The following CHST9 variants were observed in gnomAD, a reference collection of about 807,000 sequenced individuals.
CHST9 encodes the protein GalNAc-4-sulfotransferase 2.
In CHST9, 41 loss-of-function variants were observed where a neutral mutation model predicts 44.4. The ratio of observed to expected loss-of-function variants is 0.92; its 90% CI spans 0.72 to 1.20. The LOEUF (loss-of-function observed/expected upper bound fraction) is 1.20. Ranked by LOEUF, CHST9 falls within the 50% of genes most tolerant of loss-of-function variation. The pLI is 0.00. For missense variants in CHST9, 504 were observed against 516.5 expected (o/e 0.98, Z 0.23); for synonymous variants, 171 against 178.4 (o/e 0.96, Z 0.33).
At chr18:27,120,170 T>C (rs1412293002) in intron 2 of CHST9, among the ~76,000 whole-genome samples, 1 of 152,210 alleles carries the variant, frequency 6.6e-6, no homozygotes, top group Admixed American at 6.5e-5. Context: ...CATTTTTCAA[T>C]ATTGCTGGCA....
At chr18:26,970,628 A>G (rs2056529371) in intron 4 of CHST9, among the ~76,000 whole-genome samples, 1 of 152,154 alleles carries the variant, frequency 6.6e-6, no homozygotes, top group South Asian at 2.1e-4. Context: ...GGGTTTCACC[A>G]TGTTGCCCAG....
In CHST9 at chr18:26,915,079, C is replaced by A. The variant is rs2055494606; in HGVS notation, c.*1180G>T. 1 of 396,632 alleles carries A rather than the reference C, an allele frequency of 2.5e-6. No individual in the cohort carries two copies. Among genetic ancestry groups the A allele is most frequent in the Non-Finnish European group, 4.4e-6 (1 of 224,874 alleles). The allele number at this position is 396,632 out of a possible 1,614,324, so 24.6% of individuals were successfully genotyped here. ...ACACATGGACCTATTTTTCTAAGGA[C>A]TTTGATTTAATATTTGAATGCAATG... is the stretch of plus-strand genomic sequence containing the variant. On this transcript the variant is annotated 3_prime_UTR_variant, in exon 6 of 6. Coordinates refer to ENST00000618847, the MANE Select transcript of CHST9 (RefSeq NM_031422.6).
At chr18:27,082,243 T>C (rs148744226) in intron 2 of CHST9, among the ~76,000 whole-genome samples, 160 of 152,318 alleles carry the variant, frequency 1.1e-3, no homozygotes, top group Admixed American at 4.4e-3. Context: ...ATTTGAGAAA[T>C]TCATCACAAT....
intron 2 of CHST9, among the ~76,000 whole-genome samples, chr18:27,085,498 T>C (rs961489611): frequency 6.6e-6 from 1 of 151,884 alleles, no homozygotes; most frequent in Non-Finnish European, 1.5e-5. Context: ...GACACACAAG[T>C]GGTCAATAAA....
In CHST9 at chr18:26,914,543, G is replaced by T. The variant is rs977545038; in HGVS notation, c.*1716C>A. On this transcript the variant is annotated 3_prime_UTR_variant, in exon 6 of 6. Transcript: ENST00000618847. ...TAAAAACTGAGAGCACAGCTTAAGT[G>T]TATGGTCTAGAGGCAAGAGTTAATG... 1 of 169,222 alleles carries T rather than the reference G, an allele frequency of 5.9e-6. No individual in the cohort carries two copies. Among genetic ancestry groups the T allele is most frequent in the Admixed American group, 6.3e-5 (1 of 15,764 alleles). 10.5% of individuals were successfully genotyped at this position (169,222 alleles called of 1,614,324 possible).
chr18:27,057,193 C>T (rs2143598435), intron 2 of CHST9, among the ~76,000 whole-genome samples: 1 of 152,262 alleles, frequency 6.6e-6, no homozygotes, highest in Non-Finnish European at 1.5e-5. Flanking sequence ...ATTCAATGGT[C>T]TATTCATTTA....
chr18:27,128,651 A>G (rs1337854054), intron 2 of CHST9, among the ~76,000 whole-genome samples: 1 of 152,246 alleles, frequency 6.6e-6, no homozygotes, highest in Non-Finnish European at 1.5e-5. Context: ...TGGCCAGTCC[A>G]TATATCTACT....
At chr18:27,047,552 C>T (rs2057518313) in intron 3 of CHST9, among the ~76,000 whole-genome samples, 1 of 152,012 alleles carries the variant, frequency 6.6e-6, no homozygotes, top group South Asian at 2.1e-4. Context: ...GAGACAGAAG[C>T]TTATGCTGTT....
In CHST9 at chr18:27,137,630, A is replaced by C. The variant is rs77526208; in HGVS notation, c.121+5059T>G. On this transcript the variant is annotated intron_variant, in intron 2 of 5. Transcript: ENST00000618847. Reference sequence around the variant, plus strand: ...GGAGAAGGTTTTGTTAAAGGAAATGAAATATGATTGAAAAATTTTAAACAT... The same window carrying C: ...GGAGAAGGTTTTGTTAAAGGAAATGCAATATGATTGAAAAATTTTAAACAT... Among the ~76,000 whole-genome samples the C allele has an allele frequency of 2.8e-3, 421 of 152,270 alleles. 3 individuals are homozygous for C. The highest frequency in any genetic ancestry group is 0.021 in the Admixed American group (319 of 15,282).
intron 4 of CHST9, 132 bp from the exon 5 acceptor site, chr18:26,944,498 A>T: frequency 3.1e-6 from 2 of 654,368 alleles, no homozygotes; most frequent in Non-Finnish European, 5.3e-6. Context: ...TTTCTATCAC[A>T]ATGTGGATGT....
intron 4 of CHST9, among the ~76,000 whole-genome samples, chr18:26,958,558 G>A (rs2056358547): frequency 6.6e-6 from 1 of 151,942 alleles, no homozygotes; most frequent in Non-Finnish European, 1.5e-5. Context: ...CTACAGAACA[G>A]GAGAAAATAT....
At chr18:27,155,460 T>C (rs2058692232) in intron 1 of CHST9, among the ~76,000 whole-genome samples, 1 of 152,178 alleles carries the variant, frequency 6.6e-6, no homozygotes, top group African/African-American at 2.4e-5. Context: ...TGCTAGACAA[T>C]GTGGCAAAGC....
intron 4 of CHST9, among the ~76,000 whole-genome samples, chr18:26,971,231 G>A (rs1417400829): frequency 3.7e-5 from 5 of 134,256 alleles, no homozygotes; most frequent in African/African-American, 1.5e-4. Flanking sequence ...AATGTTGATT[G>A]TTGACCATGT....
At chr18:26,922,025 A>G (rs548736321) in intron 5 of CHST9, among the ~76,000 whole-genome samples, 23 of 152,340 alleles carry the variant, frequency 1.5e-4, no homozygotes, top group African/African-American at 5.3e-4. Context: ...AATTATTACT[A>G]AATTATTCTT....
At chr18:27,146,023 T>C (rs1015128313) in intron 1 of CHST9, among the ~76,000 whole-genome samples, 29 of 152,084 alleles carry the variant, frequency 1.9e-4, no homozygotes, top group Non-Finnish European at 4.4e-5. Flanking sequence ...TTACAATCTG[T>C]CTACATAATT....
chr18:27,102,203 A>G (rs1169708360), intron 2 of CHST9, among the ~76,000 whole-genome samples: 1 of 152,244 alleles, frequency 6.6e-6, no homozygotes, highest in Admixed American at 6.5e-5. Flanking sequence ...TTCATTTTAA[A>G]AGTTAATAAA....
At chr18:27,021,224 T>G (rs968397806) in intron 4 of CHST9, among the ~76,000 whole-genome samples, 3 of 152,076 alleles carry the variant, frequency 2.0e-5, no homozygotes, top group Admixed American at 2.0e-4. Context: ...GCCACTGTCC[T>G]AAATCTGAGC....
intron 2 of CHST9, among the ~76,000 whole-genome samples, chr18:27,068,465 T>C (rs189479627): frequency 6.6e-6 from 1 of 152,220 alleles, no homozygotes; most frequent in Non-Finnish European, 1.5e-5. Context: ...CATATCATTA[T>C]ATAAGTTTAA....
intron 2 of CHST9, among the ~76,000 whole-genome samples, chr18:27,119,445 G>A (rs1025843661): frequency 2.0e-5 from 3 of 152,066 alleles, no homozygotes; most frequent in African/African-American, 7.2e-5. Flanking sequence ...GTCTTTTTCA[G>A]TTGTAACATT....
Sources: allele counts gnomAD v4.1 joint callset (sites outside exome capture counted in the v4.1 genomes callset), GRCh38; gene constraint gnomAD v4.1.1; transcripts MANE v1.5; gene names NCBI Gene and HGNC (gene_info 2026-07-23, HGNC 2026-07-21).